The following SPTLC3 variants were observed in gnomAD, a reference collection of about 807,000 sequenced individuals.
The protein encoded by SPTLC3 is serine palmitoyltransferase 3.
Under a neutral mutation model 59.3 loss-of-function variants are expected in SPTLC3, and 36 were observed. That is an observed-to-expected ratio of 0.61 (90% CI 0.47 to 0.80). The LOEUF is 0.80. Ranked by LOEUF, SPTLC3 falls within the 30% of genes least tolerant of loss-of-function variation. SPTLC3 has a pLI of 0.00. For missense variants in SPTLC3, 625 were observed against 685.1 expected (o/e 0.91, Z 0.98); for synonymous variants, 257 against 240.8 (o/e 1.07, Z -0.62).
At chr20:13,110,314 C>A in intron 7 of SPTLC3, 97 bp downstream of exon 7, 1 of 1,032,356 alleles carries the variant, frequency 9.7e-7, no homozygotes, top group Non-Finnish European at 1.4e-6. Context: ...AGAGAAATGA[C>A]TTAGAATTGG....
chr20:13,165,810 G>T lies in SPTLC3; in HGVS notation c.*943G>T, dbSNP rs1198847622. 1.3e-5 allele frequency: 2 copies of T among 152,168 alleles called. No homozygotes were observed. The highest frequency in any genetic ancestry group is 2.9e-5 in the Non-Finnish European group (2 of 68,036). 9.4% of individuals were successfully genotyped at this position (152,168 alleles called of 1,614,324 possible). A position where few individuals can be genotyped will look rare whatever the true frequency, so the allele number is the denominator to read the frequency against. On this transcript the variant is annotated 3_prime_UTR_variant, in exon 12 of 12. Transcript: ENST00000399002. ...ATATTTGAAGAATGCATTGATTCAA[G>T]AAGGACATTTAAAAGCAAATTCTGA...
chr20:13,072,142 T>C, intron 2 of SPTLC3, 114 bp from the exon 3 acceptor site: 1 of 1,176,816 alleles, frequency 8.5e-7, no homozygotes. Flanking sequence ...GCTCAAAATA[T>C]ATCTGTAGAT....
At chr20:13,159,923 C>T in intron 10 of SPTLC3, 80 bp from the exon 11 acceptor site, 1 of 1,431,348 alleles carries the variant, frequency 7.0e-7, no homozygotes, top group Non-Finnish European at 9.3e-7. Flanking sequence ...ATCAATTAGC[C>T]ATATTCCTTT....
rs1212675081 is a variant in SPTLC3 at position 13,168,452 on chromosome 20, G to C, written c.*3585G>C. 1 of 152,050 alleles carries C rather than the reference G, an allele frequency of 6.6e-6. No homozygotes were observed. The highest frequency in any genetic ancestry group is 1.5e-5 in the Non-Finnish European group (1 of 68,098). The allele number at this position is 152,050 out of a possible 1,614,324, so 9.4% of individuals were successfully genotyped here. Reference sequence around the variant, plus strand: ...CCCACCTCGGCCTCCCAAAGTGCTGGGATTACAGGCGTGAGCCACCGTGCC... The same window carrying C: ...CCCACCTCGGCCTCCCAAAGTGCTGCGATTACAGGCGTGAGCCACCGTGCC... On this transcript the variant is annotated 3_prime_UTR_variant, in exon 12 of 12. Coordinates refer to ENST00000399002, the MANE Select transcript of SPTLC3 (RefSeq NM_018327.4).
chr20:13,142,528 C>T (rs1350566487), intron 9 of SPTLC3, among the ~76,000 whole-genome samples: 2 of 152,182 alleles, frequency 1.3e-5, no homozygotes, highest in East Asian at 1.9e-4. Flanking sequence ...CCTGAGGAAT[C>T]CCAGTGTGTG....
intron 9 of SPTLC3, among the ~76,000 whole-genome samples, chr20:13,132,314 C>G (rs1475580140): frequency 6.6e-6 from 1 of 151,208 alleles, no homozygotes; most frequent in East Asian, 2.0e-4. Flanking sequence ...GTAGCTGGGA[C>G]TACAGGAACC....
chr20:13,027,487 G>A (rs1011049263), intron 1 of SPTLC3, among the ~76,000 whole-genome samples: 1 of 151,974 alleles, frequency 6.6e-6, no homozygotes, highest in Non-Finnish European at 1.5e-5. Context: ...CAGACACGCC[G>A]ACTCTACATT....
At chr20:13,102,378 C>G (rs1371558029) in intron 6 of SPTLC3, among the ~76,000 whole-genome samples, 1 of 152,194 alleles carries the variant, frequency 6.6e-6, no homozygotes, top group Non-Finnish European at 1.5e-5. Context: ...ACCTGCTACT[C>G]TTATCTCCTT....
chr20:13,155,694 T>TG (rs556274199), intron 10 of SPTLC3, among the ~76,000 whole-genome samples: 4,108 of 152,004 alleles, frequency 0.027, 74 homozygotes, highest in African/African-American at 0.032. Flanking sequence ...GGCGTGGTGG[T>TG]GGGTGCCTGT....
intron 9 of SPTLC3, among the ~76,000 whole-genome samples, chr20:13,134,409 T>A (rs1171086585): frequency 1.3e-5 from 2 of 152,130 alleles, no homozygotes; most frequent in Non-Finnish European, 2.9e-5. Flanking sequence ...TATGATAGAG[T>A]CACTGATGTT....
At chr20:13,137,079 C>T (rs2038263808) in intron 9 of SPTLC3, among the ~76,000 whole-genome samples, 1 of 151,934 alleles carries the variant, frequency 6.6e-6, no homozygotes, top group South Asian at 2.1e-4. Context: ...CTAAGTCCCC[C>T]AATCATTGTG....
intron 2 of SPTLC3, among the ~76,000 whole-genome samples, chr20:13,071,500 GT>G (rs972583908): frequency 6.6e-6 from 1 of 152,132 alleles, no homozygotes; most frequent in Non-Finnish European, 1.5e-5. Flanking sequence ...TCCAAGAACA[GT>G]TTGTATATTT....
chr20:13,134,885 C>T lies in SPTLC3; in HGVS notation c.1279+8168C>T, dbSNP rs1034186912. On this transcript the variant is annotated intron_variant, in intron 9 of 11. Coordinates refer to ENST00000399002, the MANE Select transcript of SPTLC3 (RefSeq NM_018327.4). ...ATCTGTGTTTAAACCAAAACATCAA[C>T]GCTGCCCTCTCAGTTACTACTAGCA... is the stretch of plus-strand genomic sequence containing the variant. Among the ~76,000 whole-genome samples, 10 of 152,192 alleles carry T rather than the reference C, an allele frequency of 6.6e-5. No individual in the cohort carries two copies. The South Asian group carries it at 1.0e-3, about 16-fold the overall frequency.
chr20:13,021,698 G>A (rs1432420945), intron 1 of SPTLC3, among the ~76,000 whole-genome samples: 1 of 152,158 alleles, frequency 6.6e-6, no homozygotes, highest in Non-Finnish European at 1.5e-5. Flanking sequence ...ACAGCAGTAG[G>A]AGCCCAGTGT....
In SPTLC3 at chr20:13,018,237, G is replaced by T. The variant is rs563675563; in HGVS notation, c.117+8853G>T. On this transcript the variant is annotated intron_variant, in intron 1 of 11. Transcript: ENST00000399002. ...AAGCAGCAATAAAAACTGAATACAT[G>T]GATATTATATTTCCTTAAAATGACT... Among the ~76,000 whole-genome samples the T allele has an allele frequency of 7.2e-5, 11 of 152,216 alleles. No homozygotes were observed. The East Asian group carries it at 1.9e-3, about 27-fold the overall frequency.
At chr20:13,140,354 C>T (rs1249502832) in intron 9 of SPTLC3, among the ~76,000 whole-genome samples, 2 of 152,058 alleles carry the variant, frequency 1.3e-5, no homozygotes, top group African/African-American at 4.8e-5. Context: ...GGACCATAGA[C>T]GAAAAGGAAG....
Position 13,164,960 on chromosome 20 carries a change from C to T in SPTLC3, c.*93C>T. The T allele has an allele frequency of 3.5e-6, 4 of 1,129,706 alleles. No individual in the cohort carries two copies. Among genetic ancestry groups the T allele is most frequent in the Non-Finnish European group, 3.7e-6 (3 of 801,364 alleles). 70.0% of individuals were successfully genotyped at this position (1,129,706 alleles called of 1,614,324 possible). A position where few individuals can be genotyped will look rare whatever the true frequency, so the allele number is the denominator to read the frequency against. On this transcript the variant is annotated 3_prime_UTR_variant, in exon 12 of 12. Coordinates refer to ENST00000399002, the MANE Select transcript of SPTLC3 (RefSeq NM_018327.4). ...TATAAATGGATTTCTCCCCCTTCCT[C>T]AGGACAATTTTGGTTCCCAGACCAG...
In SPTLC3 at chr20:13,166,512, T is replaced by C. The variant is rs2038986509; in HGVS notation, c.*1645T>C. 1 of 152,228 alleles carries C rather than the reference T, an allele frequency of 6.6e-6. No homozygotes were observed. Among genetic ancestry groups the C allele is most frequent in the African/African-American group, 2.4e-5 (1 of 41,460 alleles). 9.4% of individuals were successfully genotyped at this position (152,228 alleles called of 1,614,324 possible). Reference sequence around the variant, plus strand: ...TCTGAAAATGCAGTTTCCCATCCAATGATTTTGATAACAAAATTCCAACTT... The same window carrying C: ...TCTGAAAATGCAGTTTCCCATCCAACGATTTTGATAACAAAATTCCAACTT... On this transcript the variant is annotated 3_prime_UTR_variant, in exon 12 of 12. Transcript: ENST00000399002.
intron 6 of SPTLC3, among the ~76,000 whole-genome samples, chr20:13,098,100 G>T (rs845727): frequency 1.3e-5 from 2 of 151,926 alleles, no homozygotes; most frequent in Admixed American, 6.6e-5. Context: ...AGAAGACTAC[G>T]CAACAGAGAC....
Sources: allele counts gnomAD v4.1 joint callset (sites outside exome capture counted in the v4.1 genomes callset), GRCh38; gene constraint gnomAD v4.1.1; transcripts MANE v1.5; gene names NCBI Gene and HGNC (gene_info 2026-07-23, HGNC 2026-07-21).